PRKCA: variants seen among roughly 807,000 people sequenced by gnomAD.
PRKCA encodes the protein protein kinase C alpha.
A neutral mutation model predicts 87.0 loss-of-function variants in PRKCA; 27 were observed. The observed-to-expected ratio is 0.31, with a 90% CI of 0.23 to 0.43. The LOEUF (loss-of-function observed/expected upper bound fraction) is 0.43. PRKCA is among the 20% of genes least tolerant of loss of function. The pLI, the probability that PRKCA is intolerant of heterozygous loss-of-function variation, is 1.00. For synonymous variants in PRKCA, 329 were observed against 311.1 expected, an observed-to-expected ratio of 1.06 and a Z score of -0.61; for missense variants, 518 against 852.3, an observed-to-expected ratio of 0.61 and a Z score of 4.88.
intron 13 of PRKCA, among the ~76,000 whole-genome samples, chr17:66,750,215 C>A (rs2144261236): frequency 6.6e-6 from 1 of 151,934 alleles, no homozygotes; most frequent in African/African-American, 2.4e-5. Context: ...GAACCATGGG[C>A]CCCGCACCAG....
chr17:66,670,413 G>A (rs569036783), intron 5 of PRKCA, among the ~76,000 whole-genome samples: 14 of 152,266 alleles, frequency 9.2e-5, no homozygotes, highest in African/African-American at 3.4e-4. Context: ...GAGCTCACAG[G>A]GAGTAAGAAC....
At chr17:66,315,806 C>T (rs1027519261) in intron 2 of PRKCA, among the ~76,000 whole-genome samples, 3 of 152,140 alleles carry the variant, frequency 2.0e-5, no homozygotes, top group Non-Finnish European at 2.9e-5. Context: ...TTCAGTAGCA[C>T]TTAATGTGCT....
chr17:66,439,363 G>C (rs1041791228), intron 2 of PRKCA, among the ~76,000 whole-genome samples: 4 of 151,748 alleles, frequency 2.6e-5, no homozygotes, highest in Non-Finnish European at 5.9e-5. Context: ...GTATTTTTTA[G>C]TAGAGACAGG....
chr17:66,315,316 A>G (rs1296301298), intron 2 of PRKCA, among the ~76,000 whole-genome samples: 9 of 152,102 alleles, frequency 5.9e-5, no homozygotes, highest in Non-Finnish European at 1.3e-4. Context: ...TAGTTAGAAA[A>G]TGGTGGGGCT....
intron 2 of PRKCA, among the ~76,000 whole-genome samples, chr17:66,482,111 A>AG (rs1444333365): frequency 1.3e-5 from 2 of 150,516 alleles, no homozygotes; most frequent in African/African-American, 4.9e-5. Context: ...AAAAAAAAAA[A>AG]AAAAAAGAAA....
At chr17:66,624,878 A>G (rs2143712283) in intron 3 of PRKCA, among the ~76,000 whole-genome samples, 1 of 152,284 alleles carries the variant, frequency 6.6e-6, no homozygotes, top group Middle Eastern at 3.4e-3. Context: ...TAAATGAATT[A>G]AAAGAAATTT....
In PRKCA at chr17:66,792,118, T is replaced by C. The variant is rs1218805869; in HGVS notation, c.1854+3139T>C. 6.6e-6 allele frequency among the ~76,000 whole-genome samples: 1 copy of C among 152,042 alleles called. No individual in the cohort carries two copies. The highest frequency in any genetic ancestry group is 1.5e-5 in the Non-Finnish European group (1 of 67,986). On this transcript the variant is annotated intron_variant, in intron 16 of 16. Transcript: ENST00000413366. The surrounding 1 kb of genome is among the most constrained non-coding windows in gnomAD (Gnocchi z 4.5). Reference sequence around the variant, plus strand: ...TTCTTATAATCCTGGCTCACCAACCTTTTCTGTCTTGGTGAAGTCTGCCTG... The same window carrying C: ...TTCTTATAATCCTGGCTCACCAACCCTTTCTGTCTTGGTGAAGTCTGCCTG...
intron 3 of PRKCA, among the ~76,000 whole-genome samples, chr17:66,621,046 A>T (rs1159093195): frequency 1.3e-5 from 2 of 152,218 alleles, no homozygotes; most frequent in Admixed American, 6.5e-5. Context: ...CTCCTAAAAC[A>T]ATATTAACTC....
At chr17:66,487,778 A>AT (rs1391661729) in intron 2 of PRKCA, among the ~76,000 whole-genome samples, 8 of 152,002 alleles carry the variant, frequency 5.3e-5, no homozygotes, top group Non-Finnish European at 1.5e-5. Flanking sequence ...GGTGATGAAC[A>AT]TTTTTTCTCC....
At chr17:66,540,195 G>A (rs1289733671) in intron 3 of PRKCA, among the ~76,000 whole-genome samples, 1 of 152,202 alleles carries the variant, frequency 6.6e-6, no homozygotes, top group Non-Finnish European at 1.5e-5. Context: ...GAGGCAGCTT[G>A]GAGAAAACCT....
intron 3 of PRKCA, 54 bp downstream of exon 3, chr17:66,496,337 T>C (rs1916472691): frequency 1.4e-6 from 2 of 1,445,736 alleles, no homozygotes; most frequent in Non-Finnish European, 9.7e-7. Flanking sequence ...TGAGCTTTAA[T>C]TTTTTTAACG....
At chr17:66,692,790 T>C (rs16960045) in intron 8 of PRKCA, among the ~76,000 whole-genome samples, 7,853 of 152,288 alleles carry the variant, frequency 0.052, 273 homozygotes, top group East Asian at 0.17. Context: ...ATAGATACTT[T>C]GCCACCCTCC....
intron 13 of PRKCA, among the ~76,000 whole-genome samples, chr17:66,749,007 C>A (rs573717869): frequency 6.6e-6 from 1 of 151,468 alleles, no homozygotes; most frequent in South Asian, 2.1e-4. Flanking sequence ...CCAGGACGGG[C>A]GGGTATTAGG....
intron 3 of PRKCA, among the ~76,000 whole-genome samples, chr17:66,573,296 AAGG>A (rs1969133069): frequency 6.6e-6 from 1 of 152,178 alleles, no homozygotes; most frequent in Admixed American, 6.5e-5. Flanking sequence ...ACGAGAGATA[AAGG>A]AGGTTTTTTC....
At chr17:66,486,385 C>CA (rs1271506273) in intron 2 of PRKCA, among the ~76,000 whole-genome samples, 2 of 152,190 alleles carry the variant, frequency 1.3e-5, no homozygotes, top group Non-Finnish European at 2.9e-5. Flanking sequence ...GTGTCGCTGT[C>CA]ATCATCTGCA....
chr17:66,346,253 C>T (rs1055928597), intron 2 of PRKCA, among the ~76,000 whole-genome samples: 2 of 151,908 alleles, frequency 1.3e-5, no homozygotes, highest in Non-Finnish European at 2.9e-5. Context: ...CGTGCCACCA[C>T]GCCTGGCTAA....
chr17:66,703,655 CATG>C (rs1159652956), intron 8 of PRKCA: 1 of 152,046 alleles, frequency 6.6e-6, no homozygotes, highest in Non-Finnish European at 1.5e-5. Flanking sequence ...ATTAGCCAGG[CATG>C]GTGGTGAGAG....
At chr17:66,422,283 C>T (rs1912540369) in intron 2 of PRKCA, among the ~76,000 whole-genome samples, 1 of 152,100 alleles carries the variant, frequency 6.6e-6, no homozygotes, top group Non-Finnish European at 1.5e-5. Flanking sequence ...AGGTTCAGCT[C>T]ATAACACCCA....
intron 3 of PRKCA, among the ~76,000 whole-genome samples, chr17:66,532,576 C>G (rs943786427): frequency 1.3e-5 from 2 of 151,976 alleles, no homozygotes; most frequent in African/African-American, 4.8e-5. Context: ...CCAGGCTGGT[C>G]TTGAACTCCT....
Sources: gnomAD v4.1 joint callset for allele counts (sites outside exome capture counted in the v4.1 genomes callset) on GRCh38, gnomAD v4.1.1 for gene constraint, Gnocchi (gnomAD v3.1) non-coding constraint, MANE v1.5 for transcripts, NCBI Gene and HGNC (gene_info 2026-07-23, HGNC 2026-07-21) for gene names.